Variants in KICS2 observed in about 807,000 individuals in gnomAD.
KICS2 encodes the protein KICSTOR complex protein C12orf66.
KICS2 carries 13 observed loss-of-function variants against 31.4 expected under a neutral mutation model. The ratio of observed to expected loss-of-function variants is 0.41; its 90% CI spans 0.27 to 0.66. The LOEUF is 0.66. KICS2 is among the 30% of genes least tolerant of loss of function. The pLI, the probability that KICS2 is intolerant of heterozygous loss-of-function variation, is 0.28. For missense variants in KICS2, 455 were observed against 545.4 expected (o/e 0.83, Z 1.65); for synonymous variants, 209 against 214.8 (o/e 0.97, Z 0.24).
In KICS2 at chr12:64,194,135, C is replaced by T. The variant is rs2037409047; in HGVS notation, c.1045G>A (p.Val349Ile). The change falls in exon 3 of 3, where the codon GTA becomes ATA. Residue 349 changes from valine to isoleucine, a missense_variant. Val to Ile is a conservative substitution (Grantham distance 29, BLOSUM62 3). Transcript: ENST00000398055. ...GGCCTGTCGCTGGGCAGAGACACTA[C>T]AGCTGGATACTGGTCCACACCCTTG... Reference protein sequence around the residue: ...APKGVDQYPAVVSLPSDRPVM... With the variant: ...APKGVDQYPAIVSLPSDRPVM... The T allele has an allele frequency of 6.2e-7, 1 of 1,614,044 alleles. No homozygotes were observed. Among genetic ancestry groups the T allele is most frequent in the Admixed American group, 1.7e-5 (1 of 60,004 alleles).
At position 64,216,343 on chromosome 12, in the gene KICS2, A is replaced by G. The variant is rs554632885; in HGVS notation, c.236-380T>C. Among the ~76,000 whole-genome samples the G allele has an allele frequency of 2.0e-5, 3 of 152,324 alleles. No individual in the cohort carries two copies. In the South Asian group the frequency reaches 6.2e-4, roughly 32 times the overall value. On this transcript the variant is annotated intron_variant, in intron 1 of 2. Transcript: ENST00000398055. ...TCAGAGCATAATTAACCTAGCAAAT[A>G]ACACCAACTGGAACTAAAAAGCCTA...
intron 2 of KICS2, among the ~76,000 whole-genome samples, chr12:64,207,970 T>G (rs1184684921): frequency 6.6e-6 from 1 of 152,220 alleles, no homozygotes; most frequent in Non-Finnish European, 1.5e-5. Flanking sequence ...TTTGGACTTC[T>G]GCTTAAAATC....
intron 1 of KICS2, among the ~76,000 whole-genome samples, chr12:64,220,797 C>CTT (rs2037674221): frequency 6.6e-6 from 1 of 152,058 alleles, no homozygotes; most frequent in South Asian, 2.1e-4. Context: ...GGTTTCGACT[C>CTT]TATCATCTAC....
downstream of KICS2, among the ~76,000 whole-genome samples, chr12:64,188,832 G>A (rs942328441): frequency 6.6e-6 from 1 of 151,884 alleles, no homozygotes; most frequent in Non-Finnish European, 1.5e-5. Flanking sequence ...AGATGCTAAG[G>A]AACTAAATAT....
chr12:64,187,412 C>T (rs2037346628), downstream of KICS2: 1 of 555,354 alleles, frequency 1.8e-6, no homozygotes, highest in Non-Finnish European at 3.2e-6. Context: ...TGATATTTTA[C>T]ACATACCCTA....
chr12:64,215,180 C>T (rs941797927), intron 2 of KICS2, among the ~76,000 whole-genome samples: 1 of 151,422 alleles, frequency 6.6e-6, no homozygotes, highest in Non-Finnish European at 1.5e-5. Flanking sequence ...CTGGGTGTGG[C>T]GTGTACCTAT....
chr12:64,194,078 T>C lies in KICS2; in HGVS notation c.1102A>G (p.Met368Val). Residue 368 changes from methionine to valine, a missense_variant, in exon 3 of 3, where the codon ATG (methionine) becomes GTG (valine). By Grantham distance (21) the Met-to-Val change is conservative. Transcript: ENST00000398055. ...VMHWPNVIMI[M>V]TDRTSDLNSL... Reference sequence around the variant, plus strand: ...TTCAGATCAGATGTGCGGTCCGTCATGATCATGATGACATTGGGCCAGTGC... The same window carrying C: ...TTCAGATCAGATGTGCGGTCCGTCACGATCATGATGACATTGGGCCAGTGC... The C allele has an allele frequency of 1.2e-6, 2 of 1,614,148 alleles. No individual in the cohort carries two copies. The highest frequency in any genetic ancestry group is 2.2e-5 in the East Asian group (1 of 44,870).
At chr12:64,202,255 A>T (rs1007254817) in intron 2 of KICS2, among the ~76,000 whole-genome samples, 2 of 152,064 alleles carry the variant, frequency 1.3e-5, no homozygotes, top group Non-Finnish European at 2.9e-5. Context: ...AACATTCAAA[A>T]ATTAGTCAAG....
intron 2 of KICS2, among the ~76,000 whole-genome samples, chr12:64,208,852 T>G (rs115246617): frequency 3.3e-5 from 5 of 152,174 alleles, no homozygotes; most frequent in Non-Finnish European, 7.3e-5. Context: ...AAGTGATGGC[T>G]TTCTTCTTTC....
intron 2 of KICS2, among the ~76,000 whole-genome samples, chr12:64,209,342 T>C (rs1210408309): frequency 6.6e-6 from 1 of 152,072 alleles, no homozygotes; most frequent in African/African-American, 2.4e-5. Context: ...CCCAGCACTT[T>C]GGGATGCTAA....
rs759764299 is a variant in KICS2, at chr12:64,192,578, G to C, written c.*1264C>G. 1.0e-6 allele frequency: 1 copy of C among 983,202 alleles called. No individual in the cohort carries two copies. The highest frequency in any genetic ancestry group is 1.7e-5 in the African/African-American group (1 of 57,262). The allele number at this position is 983,202 out of a possible 1,614,324, so 60.9% of individuals were successfully genotyped here. On this transcript the variant is annotated 3_prime_UTR_variant, in exon 3 of 3. Transcript: ENST00000398055. Reference sequence around the variant, plus strand: ...TCCACACAATCATGGGAAAAAAGACGAATATGACCATTACATTTCACACAA... The same window carrying C: ...TCCACACAATCATGGGAAAAAAGACCAATATGACCATTACATTTCACACAA...
chr12:64,210,625 TAA>T (rs2037574541), intron 2 of KICS2, among the ~76,000 whole-genome samples: 1 of 151,898 alleles, frequency 6.6e-6, no homozygotes, highest in Admixed American at 6.6e-5. Flanking sequence ...AAAAATAAAA[TAA>T]TTATCCAGGG....
At position 64,222,025 on chromosome 12, in the gene KICS2, G is replaced by A. The variant is rs1592392103; in HGVS notation, c.213C>T (p.Leu71=). The A allele has an allele frequency of 6.2e-7, 1 of 1,613,732 alleles. No homozygotes were observed. The highest frequency in any genetic ancestry group is 2.2e-5 in the East Asian group (1 of 44,874). ...LAAAEKVYHS[L]TYLGQKLGGQ... is the part of the protein sequence containing the mutation. The stretch of plus-strand genomic sequence containing the variant: ...TACCTAGTTTCTGCCCCAGGTAGGT[G>A]AGGCTGTGATAGACCTTCTCGGCCG... Residue 71 remains leucine, a synonymous_variant, in exon 1 of 3, where the codon CTC becomes CTT. Transcript: ENST00000398055.
chr12:64,216,309 A>G (rs1201156968), intron 1 of KICS2, among the ~76,000 whole-genome samples: 1 of 152,204 alleles, frequency 6.6e-6, no homozygotes, highest in Non-Finnish European at 1.5e-5. Context: ...ATGAGGATTC[A>G]GATTTACTTC....
At chr12:64,216,012 T>G (rs777344394) in intron 1 of KICS2, 49 bp from the exon 2 acceptor site, 2 of 1,512,238 alleles carry the variant, frequency 1.3e-6, no homozygotes, top group Admixed American at 2.0e-5. Flanking sequence ...GGAGAAACCG[T>G]AAGTACCAAA....
Position 64,222,193 on chromosome 12 carries a change from C to T in KICS2, c.45G>A (p.Gln15=). The T allele has an allele frequency of 6.2e-7, 1 of 1,614,090 alleles. No individual in the cohort carries two copies. Among genetic ancestry groups the T allele is most frequent in the Non-Finnish European group, 8.5e-7 (1 of 1,179,968 alleles). ...IPLAAPVPVE[Q]AVLETFFSHL... ...GAGAGAAGAACGTCTCCAGCACCGC[C>T]TGTTCCACCGGGACCGGGGCGGCCA... Residue 15 remains glutamine, a synonymous_variant, in exon 1 of 3, where the codon CAG becomes CAA. Transcript: ENST00000398055.
chr12:64,190,362 C>T (rs2037369595), downstream of KICS2, among the ~76,000 whole-genome samples: 1 of 152,168 alleles, frequency 6.6e-6, no homozygotes, highest in Admixed American at 6.5e-5. Flanking sequence ...AGCTCAGAGG[C>T]TGATTTGCCA....
At chr12:64,197,910 A>C (rs1403594596) in intron 2 of KICS2, among the ~76,000 whole-genome samples, 1 of 138,290 alleles carries the variant, frequency 7.2e-6, no homozygotes, top group Non-Finnish European at 1.5e-5. Flanking sequence ...ACTATCCTAA[A>C]TATATATGCA....
chr12:64,202,406 A>C (rs2037498583), intron 2 of KICS2, among the ~76,000 whole-genome samples: 2 of 152,140 alleles, frequency 1.3e-5, no homozygotes, highest in South Asian at 4.1e-4. Context: ...TCTCCAAAAA[A>C]AAAAAGTTTT....
Sources: gnomAD v4.1 joint callset for allele counts (sites outside exome capture counted in the v4.1 genomes callset) on GRCh38, gnomAD v4.1.1 for gene constraint, MANE v1.5 for transcripts, NCBI Gene and HGNC (gene_info 2026-07-23, HGNC 2026-07-21) for gene names.